The following ATP13A4 variants were observed in gnomAD, a reference collection of about 807,000 sequenced individuals.
The protein encoded by ATP13A4 is ATPase 13A4, also known as probable cation-transporting ATPase 13A4.
ATP13A4 carries 114 observed loss-of-function variants against 142.5 expected under a neutral mutation model. That is an observed-to-expected ratio of 0.80 (90% CI 0.69 to 0.93). The LOEUF is 0.93. Ranked by LOEUF, ATP13A4 falls within the 40% of genes least tolerant of loss-of-function variation. The pLI, the probability that ATP13A4 is intolerant of heterozygous loss-of-function variation, is 0.00. For synonymous variants in ATP13A4, 488 were observed against 514.8 expected (o/e 0.95, Z 0.70); for missense variants, 1,392 against 1,454.0 (o/e 0.96, Z 0.69).
chr3:193,568,929 A>G (rs1724198910), intron 2 of ATP13A4, among the ~76,000 whole-genome samples: 1 of 152,254 alleles, frequency 6.6e-6, no homozygotes, highest in African/African-American at 2.4e-5. Context: ...GAATAAATAA[A>G]CAAATGGGCG....
intron 8 of ATP13A4, among the ~76,000 whole-genome samples, chr3:193,476,418 C>G (rs1024596810): frequency 2.6e-5 from 4 of 152,210 alleles, no homozygotes; most frequent in Admixed American, 2.6e-4. Flanking sequence ...CTTTGCCTTA[C>G]AGAAATATGA....
At chr3:193,422,120 G>A (rs1422084931) in intron 25 of ATP13A4, among the ~76,000 whole-genome samples, 1 of 149,880 alleles carries the variant, frequency 6.7e-6, no homozygotes, top group African/African-American at 2.4e-5. Flanking sequence ...TATGCAAATG[G>A]TAATCAAAAG....
At chr3:193,496,116 G>C (rs765076517) in intron 3 of ATP13A4, among the ~76,000 whole-genome samples, 14 of 152,100 alleles carry the variant, frequency 9.2e-5, no homozygotes, top group Non-Finnish European at 1.9e-4. Context: ...TGGATTGAAA[G>C]AACTAATCTT....
At chr3:193,473,129 A>C (rs1027960267) in intron 8 of ATP13A4, among the ~76,000 whole-genome samples, 1 of 152,256 alleles carries the variant, frequency 6.6e-6, no homozygotes, top group Non-Finnish European at 1.5e-5. Context: ...CAAGAAAAGT[A>C]TAATATAAGC....
chr3:193,527,626 A>AT, intron 1 of ATP13A4, among the ~76,000 whole-genome samples: 1 of 149,732 alleles, frequency 6.7e-6, no homozygotes, highest in South Asian at 2.1e-4. Context: ...AAAAAAAAAA[A>AT]GGGCAGCACT....
intron 29 of ATP13A4, among the ~76,000 whole-genome samples, chr3:193,405,183 G>C (rs1714434290): frequency 6.6e-6 from 1 of 152,202 alleles, no homozygotes; most frequent in Non-Finnish European, 1.5e-5. Flanking sequence ...GCTCTTAACT[G>C]CAAATATGCT....
chr3:193,456,649 A>T (rs574595126), intron 16 of ATP13A4, among the ~76,000 whole-genome samples: 1 of 152,334 alleles, frequency 6.6e-6, no homozygotes, highest in African/African-American at 2.4e-5. Context: ...GCAGAGGGTC[A>T]ATCCACCAAC....
chr3:193,517,079 A>G (rs2108687083), intron 1 of ATP13A4, among the ~76,000 whole-genome samples: 1 of 152,334 alleles, frequency 6.6e-6, no homozygotes, highest in African/African-American at 2.4e-5. Context: ...CAAAGCTCAT[A>G]ACTAACTCAA....
At chr3:193,537,463 T>A (rs963380175) in intron 1 of ATP13A4, among the ~76,000 whole-genome samples, 2 of 152,086 alleles carry the variant, frequency 1.3e-5, no homozygotes, top group Non-Finnish European at 2.9e-5. Context: ...ATATAAAACA[T>A]AAAACTTTAA....
chr3:193,549,925 T>A (rs1054551843), intron 1 of ATP13A4, among the ~76,000 whole-genome samples: 1 of 152,252 alleles, frequency 6.6e-6, no homozygotes, highest in Non-Finnish European at 1.5e-5. Context: ...TTTGCCATGA[T>A]GCAAACAAAC....
chr3:193,499,043 C>A (rs1235724638), intron 3 of ATP13A4, among the ~76,000 whole-genome samples: 3 of 152,244 alleles, frequency 2.0e-5, no homozygotes, highest in Admixed American at 6.5e-5. Context: ...TGAATGCTAA[C>A]TCTATGCAAT....
intron 1 of ATP13A4, among the ~76,000 whole-genome samples, chr3:193,590,085 A>C (rs1724735026): frequency 6.6e-6 from 1 of 152,136 alleles, no homozygotes; most frequent in South Asian, 2.1e-4. Context: ...CTGCACAGAC[A>C]AAATCATTTC....
Position 193,492,907 on chromosome 3 carries a change from T to C in ATP13A4, c.533+10A>G. The C allele has an allele frequency of 1.9e-6, 3 of 1,589,412 alleles. No homozygotes were observed. Among genetic ancestry groups the C allele is most frequent in the African/African-American group, 1.3e-5 (1 of 74,346 alleles). ...TTTTGAGCTAGTATAGGCAATAATA[T>C]GCATGGTACCTAATCTCCTGTTCTT... On this transcript the variant is annotated intron_variant, in intron 5 of 29. Transcript: ENST00000342695.
chr3:193,472,934 T>C (rs186639831), intron 8 of ATP13A4, among the ~76,000 whole-genome samples: 1 of 152,290 alleles, frequency 6.6e-6, no homozygotes, highest in East Asian at 1.9e-4. Flanking sequence ...ATCAATGTAC[T>C]AGATAGAGAG....
intron 2 of ATP13A4, among the ~76,000 whole-genome samples, chr3:193,567,130 T>C (rs1724152474): frequency 6.6e-6 from 1 of 152,170 alleles, no homozygotes. Context: ...TATGCAACCA[T>C]TAAATATCAG....
intron 2 of ATP13A4, among the ~76,000 whole-genome samples, chr3:193,502,859 G>A (rs1720631775): frequency 6.6e-6 from 1 of 152,186 alleles, no homozygotes; most frequent in Non-Finnish European, 1.5e-5. Context: ...ATGAGGCACT[G>A]ACACATAACA....
intron 17 of ATP13A4, among the ~76,000 whole-genome samples, chr3:193,452,088 T>C (rs948553759): frequency 6.6e-6 from 1 of 152,204 alleles, no homozygotes; most frequent in Non-Finnish European, 1.5e-5. Context: ...AGTAAGTGCT[T>C]TGTTACGTGC....
At chr3:193,554,424 T>C in intron 1 of ATP13A4, 1 of 435,506 alleles carries the variant, frequency 2.3e-6, no homozygotes. Flanking sequence ...CAGAACTGGC[T>C]ATACCAATGA....
At chr3:193,497,738 C>T (rs975916279) in intron 3 of ATP13A4, among the ~76,000 whole-genome samples, 2 of 151,754 alleles carry the variant, frequency 1.3e-5, no homozygotes, top group African/African-American at 4.8e-5. Flanking sequence ...TTATTTGGCC[C>T]TAAAAAGAAG....
Sources: gnomAD v4.1 joint callset for allele counts (sites outside exome capture counted in the v4.1 genomes callset) on GRCh38, gnomAD v4.1.1 for gene constraint, MANE v1.5 for transcripts, NCBI Gene and HGNC (gene_info 2026-07-23, HGNC 2026-07-21) for gene names.